The following SEPTIN10 variants were observed in gnomAD, a reference collection of about 807,000 sequenced individuals.
The protein encoded by SEPTIN10 is septin 10.
In SEPTIN10, 66 loss-of-function variants were observed where a neutral mutation model predicts 54.8. The ratio of observed to expected loss-of-function variants is 1.21; its 90% CI spans 0.99 to 1.48. The LOEUF (loss-of-function observed/expected upper bound fraction) is 1.48, where lower values mean the gene tolerates loss of function less well. SEPTIN10 is among the 40% of genes most tolerant of loss of function. SEPTIN10 has a pLI of 0.00. For synonymous variants in SEPTIN10, 161 were observed against 181.0 expected, an observed-to-expected ratio of 0.89 and a Z score of 0.89; for missense variants, 620 against 545.6, an observed-to-expected ratio of 1.14 and a Z score of -1.36.
At chr2:109,583,759 G>A (rs768178512) in intron 4 of SEPTIN10, among the ~76,000 whole-genome samples, 1 of 152,158 alleles carries the variant, frequency 6.6e-6, no homozygotes, top group African/African-American at 2.4e-5. Flanking sequence ...AACGTGGACT[G>A]GATAAAACAA....
At chr2:109,590,757 C>A (rs1203773697) in intron 2 of SEPTIN10, among the ~76,000 whole-genome samples, 1 of 152,146 alleles carries the variant, frequency 6.6e-6, no homozygotes, top group Non-Finnish European at 1.5e-5. Context: ...AGGGCCTGGG[C>A]ACTTCCTGGC....
At chr2:109,585,691 C>G in intron 3 of SEPTIN10, 30 bp downstream of exon 3, 4 of 1,443,214 alleles carry the variant, frequency 2.8e-6, no homozygotes, top group Non-Finnish European at 3.9e-6. Context: ...TATGAAGGAA[C>G]AACTTAGAGG....
Position 109,585,123 on chromosome 2 carries a change from T to C in SEPTIN10, c.413+3A>G, listed in dbSNP as rs2105777784. 3.9e-6 allele frequency: 6 copies of C among 1,539,094 alleles called. No individual in the cohort carries two copies. Among genetic ancestry groups the C allele is most frequent in the Non-Finnish European group, 5.3e-6 (6 of 1,140,594 alleles). ...TGTTTTATTACAAGAAGAAAACACA[T>C]ACCTCTCTTCTTTATTTATTTGGTC... On this transcript the variant is annotated splice_donor_region_variant and intron_variant, in intron 4 of 10. Transcript: ENST00000397712.
chr2:109,545,874 C>A (rs1016433743), intron 10 of SEPTIN10, 176 bp downstream of exon 10: 8 of 1,449,052 alleles, frequency 5.5e-6, no homozygotes, highest in Admixed American at 2.7e-5. Flanking sequence ...GTTCTGGATG[C>A]TGGGGAAACA....
chr2:109,554,397 T>C, intron 8 of SEPTIN10, among the ~76,000 whole-genome samples: 1 of 152,216 alleles, frequency 6.6e-6, no homozygotes, highest in Non-Finnish European at 1.5e-5. Flanking sequence ...ATGTATTCAT[T>C]CATTCATTCT....
chr2:109,571,531 G>T (rs73953163), intron 5 of SEPTIN10, among the ~76,000 whole-genome samples: 1 of 152,308 alleles, frequency 6.6e-6, no homozygotes, highest in African/African-American at 2.4e-5. Context: ...ACAATGCTAA[G>T]TATGTGTATA....
chr2:109,566,993 GA>G lies in SEPTIN10; in HGVS notation c.762+821del, dbSNP rs1323028179. ...AGACAATTTAACATATAGGAATTAA[GA>G]TCACCTCATTTACATTAGTCAGTTT... On this transcript the variant is annotated intron_variant, in intron 6 of 10. Transcript: ENST00000397712. Among the ~76,000 whole-genome samples, 3 of 152,100 alleles carry G rather than the reference GA, an allele frequency of 2.0e-5. No homozygotes were observed. The East Asian group carries it at 5.8e-4, about 29-fold the overall frequency.
intron 8 of SEPTIN10, among the ~76,000 whole-genome samples, chr2:109,554,108 T>C (rs1317322988): frequency 1.3e-5 from 2 of 152,158 alleles, no homozygotes; most frequent in African/African-American, 2.4e-5. Context: ...TAGCTATATA[T>C]ACATTTAAGA....
chr2:109,550,669 A>G (rs952298455), intron 9 of SEPTIN10, among the ~76,000 whole-genome samples: 1 of 152,186 alleles, frequency 6.6e-6, no homozygotes, highest in African/African-American at 2.4e-5. Flanking sequence ...CTGCTGAGCT[A>G]GCAGATGACT....
At chr2:109,611,465 C>G (rs1699236297) in intron 1 of SEPTIN10, among the ~76,000 whole-genome samples, 1 of 151,746 alleles carries the variant, frequency 6.6e-6, no homozygotes, top group Non-Finnish European at 1.5e-5. Flanking sequence ...ACCTAAAAAA[C>G]TTTAAACCCA....
chr2:109,572,807 AG>A (rs2105390965), intron 5 of SEPTIN10, among the ~76,000 whole-genome samples: 1 of 150,732 alleles, frequency 6.6e-6, no homozygotes, highest in African/African-American at 2.4e-5. Context: ...AGTAGAGACA[AG>A]GTTTCACTAT....
intron 5 of SEPTIN10, among the ~76,000 whole-genome samples, chr2:109,570,097 C>A (rs985315353): frequency 1.1e-4 from 16 of 151,826 alleles, no homozygotes; most frequent in African/African-American, 3.6e-4. Flanking sequence ...CCTAGTTTTT[C>A]TTTTAAACTT....
intron 5 of SEPTIN10, among the ~76,000 whole-genome samples, chr2:109,573,036 T>C (rs1445789046): frequency 1.3e-5 from 2 of 152,234 alleles, no homozygotes; most frequent in Non-Finnish European, 2.9e-5. Context: ...TAATATATAC[T>C]TACACAGTAT....
chr2:109,545,244 C>A lies in SEPTIN10; in HGVS notation c.1349+806G>T, dbSNP rs1028707860. 3 of 1,359,174 alleles carry A rather than the reference C, an allele frequency of 2.2e-6. No homozygotes were observed. In the East Asian group the frequency reaches 9.1e-5, roughly 41 times the overall value. The allele number at this position is 1,359,174 out of a possible 1,614,324, so 84.2% of individuals were successfully genotyped here. On this transcript the variant is annotated intron_variant, in intron 10 of 10. Coordinates refer to ENST00000397712, the MANE Select transcript of SEPTIN10 (RefSeq NM_144710.5). ...GAATAGAACAAGGCATGATGAATTT[C>A]CTCAAGAGCCAAATAGTTAAACCGA...
At chr2:109,600,920 A>C (rs1027423398) in intron 1 of SEPTIN10, among the ~76,000 whole-genome samples, 31 of 152,262 alleles carry the variant, frequency 2.0e-4, no homozygotes, top group African/African-American at 6.8e-4. Context: ...AGATACAAAT[A>C]AACAGCCAGA....
rs549636915 is a variant in SEPTIN10 at position 109,608,626 on chromosome 2, A to G, written c.30+5172T>C. On this transcript the variant is annotated intron_variant, in intron 1 of 10. Transcript: ENST00000397712. ...TTACTAAAAGTAATACCAACAAAGTATAAGTGCTATATCCCAAGCTATTAA... is the reference window on the plus strand; with the variant it reads ...TTACTAAAAGTAATACCAACAAAGTGTAAGTGCTATATCCCAAGCTATTAA... Among the ~76,000 whole-genome samples the G allele has an allele frequency of 3.9e-5, 6 of 152,366 alleles. No individual in the cohort carries two copies. The South Asian group carries it at 6.2e-4, about 16-fold the overall frequency.
In SEPTIN10 at chr2:109,542,864, C is replaced by CAT. The variant is rs1426187673; in HGVS notation, c.*1444_*1445insAT. On this transcript the variant is annotated 3_prime_UTR_variant, in exon 11 of 11. Coordinates refer to ENST00000397712, the MANE Select transcript of SEPTIN10 (RefSeq NM_144710.5). ...ATGATTGCTCAGAATCTGACACAGA[C>CAT]TAATAAGTTTCATTGTCTGAAAATA... 1.3e-5 allele frequency: 2 copies of CAT among 152,390 alleles called. No individual in the cohort carries two copies. Among genetic ancestry groups the CAT allele is most frequent in the Non-Finnish European group, 2.9e-5 (2 of 68,016 alleles). 9.4% of individuals were successfully genotyped at this position (152,390 alleles called of 1,614,324 possible).
At chr2:109,557,295 T>C (rs1684606035) in intron 8 of SEPTIN10, among the ~76,000 whole-genome samples, 1 of 152,206 alleles carries the variant, frequency 6.6e-6, no homozygotes, top group Admixed American at 6.5e-5. Context: ...TATATCTACC[T>C]GGTGAAGAGA....
chr2:109,552,267 C>G (rs977825188), intron 9 of SEPTIN10, among the ~76,000 whole-genome samples: 1 of 152,184 alleles, frequency 6.6e-6, no homozygotes, highest in Admixed American at 6.5e-5. Context: ...GACCACTGAT[C>G]TAGACCACCT....
Sources: gnomAD v4.1 joint callset for allele counts (sites outside exome capture counted in the v4.1 genomes callset) on GRCh38, gnomAD v4.1.1 for gene constraint, MANE v1.5 for transcripts, NCBI Gene and HGNC (gene_info 2026-07-23, HGNC 2026-07-21) for gene names.